The following STS variants were observed in gnomAD, a reference collection of about 807,000 sequenced individuals.
STS encodes steroid sulfatase.
Under a neutral mutation model 26.8 loss-of-function variants are expected in STS, and 7 were observed. The ratio of observed to expected loss-of-function variants is 0.26; its 90% CI spans 0.15 to 0.49. The LOEUF is 0.49. Among genes scored for constraint, STS ranks in the 20% least tolerant of loss-of-function variants. The pLI, the probability that STS is intolerant of heterozygous loss-of-function variation, is 0.98. For missense variants in STS, 434 were observed against 465.6 expected (o/e 0.93, Z 0.63); for synonymous variants, 199 against 189.4 (o/e 1.05, Z -0.42).
At chrX:7,333,875 C>T (rs1014133113) in intron 9 of STS, 111 bp from the exon 10 acceptor site, 47 of 1,107,130 alleles carry the variant, frequency 4.2e-5, no homozygotes, top group Non-Finnish European at 5.7e-5. Context: ...TGGGGTCAGT[C>T]TTCTTTGTAT....
intron 1 of STS, among the ~76,000 whole-genome samples, chrX:7,174,641 G>A (rs148790739): frequency 8.1e-5 from 9 of 111,665 alleles, no homozygotes; most frequent in Admixed American, 2.9e-4. Flanking sequence ...TGATCTTCTC[G>A]TAAGGTGTAA....
chrX:7,186,799 A>G (rs1933780773), intron 1 of STS, among the ~76,000 whole-genome samples: 2 of 112,143 alleles, frequency 1.8e-5, no homozygotes, highest in Non-Finnish European at 3.8e-5. Context: ...AAAATCAGAT[A>G]TCATCTTAGG....
rs759991988 is a variant in STS, at chrX:7,350,221, A to G, written c.1697A>G (p.Gln566Arg). ...TGTCCTTCCACCGGCCTGTCTTGCC[A>G]GTGTGATAGAGAAAAACAGGATAAG... ...LCCPSTGLSC[Q>R]CDREKQDKRL... Residue 566 changes from glutamine (Q) to arginine (R), a missense_variant, in exon 11 of 11, where the codon CAG (glutamine) becomes CGG (arginine). Physicochemically the swap from Gln to Arg is conservative, Grantham distance 43. Around this residue, in one of 2 missense-constraint regions of STS, gnomAD observed 205 missense variants for 177.3 expected, o/e 1.16. Transcript: ENST00000674429. 1 of 1,210,985 alleles carries G rather than the reference A, an allele frequency of 8.3e-7. No homozygotes were observed. Among genetic ancestry groups the G allele is most frequent in the African/African-American group, 1.7e-5 (1 of 57,849 alleles).
In STS at chrX:7,305,179, T is replaced by C; in HGVS notation, c.1077T>C (p.Tyr359=). The C allele has an allele frequency of 8.3e-7, 1 of 1,210,308 alleles. No homozygotes were observed. Among genetic ancestry groups the C allele is most frequent in the Non-Finnish European group, 1.1e-6 (1 of 894,474 alleles). ...GEIHGGSNGI[Y]KGGKANNWEG... is the part of the protein sequence containing the mutation. Reference sequence around the variant, plus strand: ...TTCATGGCGGAAGTAATGGGATCTATAAAGGTGAGAAATGCTGGGATGGAG... The same window carrying C: ...TTCATGGCGGAAGTAATGGGATCTACAAAGGTGAGAAATGCTGGGATGGAG... Residue 359 remains tyrosine (Y), a synonymous_variant, in exon 8 of 11, where the codon TAT becomes TAC. Coordinates refer to ENST00000674429, the MANE Select transcript of STS (RefSeq NM_001320752.2).
chrX:7,209,370 T>A (rs1920976546), intron 2 of STS, among the ~76,000 whole-genome samples: 1 of 107,230 alleles, frequency 9.3e-6, no homozygotes, highest in Admixed American at 1.0e-4. Flanking sequence ...ATTTTATATA[T>A]AATTTTATAT....
chrX:7,246,922 A>G lies in STS; in HGVS notation c.-4-6274A>G, dbSNP rs528194535. 3.5e-5 allele frequency among the ~76,000 whole-genome samples: 4 copies of G among 113,315 alleles called. No homozygotes were observed. The South Asian group carries it at 1.1e-3, about 30-fold the overall frequency. On this transcript the variant is annotated intron_variant, in intron 2 of 10. Transcript: ENST00000674429. ...TAAATCATTTCACTTCAGACTTTGT[A>G]TAGAATTCATGTCAAATAAATGTCA... is the stretch of plus-strand genomic sequence containing the variant.
At chrX:7,246,354 T>G (rs1922875583) in intron 2 of STS, among the ~76,000 whole-genome samples, 3 of 107,066 alleles carry the variant, frequency 2.8e-5, no homozygotes, top group Non-Finnish European at 3.9e-5. Flanking sequence ...CAGGCTGGAG[T>G]GCAGTGGCGC....
intron 2 of STS, among the ~76,000 whole-genome samples, chrX:7,230,591 C>T (rs144650229): frequency 9.8e-5 from 11 of 112,010 alleles, no homozygotes; most frequent in East Asian, 2.8e-4. Context: ...CTCACAGTTC[C>T]GCATGGCTGG....
chrX:7,246,499 G>C (rs1343534298), intron 2 of STS, among the ~76,000 whole-genome samples: 4 of 110,225 alleles, frequency 3.6e-5, no homozygotes, highest in African/African-American at 1.3e-4. Flanking sequence ...GTAGAGATGG[G>C]GTTTCACCGT....
In STS at chrX:7,228,168, T is replaced by C. The variant is rs775279312; in HGVS notation, c.-4-25028T>C. On this transcript the variant is annotated intron_variant, in intron 2 of 10. Transcript: ENST00000674429. ...GCTTCCATATCTTGGCTATGGTGAA[T>C]AGTACTGCAGTGAGCAGAGGAGTGC... is the stretch of plus-strand genomic sequence containing the variant. 2.1e-4 allele frequency among the ~76,000 whole-genome samples: 23 copies of C among 111,939 alleles called. No homozygotes were observed. The Admixed American group carries it at 2.1e-3, about 10-fold the overall frequency.
chrX:7,238,051 C>T (rs1455517963), intron 2 of STS, among the ~76,000 whole-genome samples: 4 of 109,535 alleles, frequency 3.7e-5, no homozygotes, highest in African/African-American at 1.3e-4. Flanking sequence ...GATGAAGTGT[C>T]CTCCAGTTTC....
chrX:7,313,183 G>T (rs1462683990), intron 8 of STS, among the ~76,000 whole-genome samples: 1 of 112,167 alleles, frequency 8.9e-6, no homozygotes, highest in African/African-American at 3.2e-5. Context: ...GAAGTGTGGG[G>T]GTGGGGGATC....
At chrX:7,240,539 A>G (rs1176606448) in intron 2 of STS, among the ~76,000 whole-genome samples, 8 of 80,834 alleles carry the variant, frequency 9.9e-5, no homozygotes, top group Admixed American at 9.7e-4. Context: ...GTGTGTATAT[A>G]TATATATATA....
intron 7 of STS, among the ~76,000 whole-genome samples, chrX:7,302,486 A>G (rs1469595397): frequency 1.8e-5 from 2 of 111,726 alleles, no homozygotes; most frequent in African/African-American, 6.5e-5. Context: ...ATGGGAGACA[A>G]ATTGCTAAAA....
At chrX:7,185,366 T>C (rs776483884) in intron 1 of STS, among the ~76,000 whole-genome samples, 2 of 113,036 alleles carry the variant, frequency 1.8e-5, no homozygotes, top group Admixed American at 1.9e-4. Flanking sequence ...GCAATTGTAT[T>C]TCAAAAGTAG....
rs766616640 is a variant in STS at position 7,232,855 on chromosome X, A to G, written c.-4-20341A>G. On this transcript the variant is annotated intron_variant, in intron 2 of 10. Transcript: ENST00000674429. Reference sequence around the variant, plus strand: ...ACCGGATCATGGGGGTGGTCCCCCCATGCTGTTCTCATCGTAGTGACTGAG... The same window carrying G: ...ACCGGATCATGGGGGTGGTCCCCCCGTGCTGTTCTCATCGTAGTGACTGAG... 7.8e-4 allele frequency among the ~76,000 whole-genome samples: 87 copies of G among 111,493 alleles called. 6 individuals carry two copies. Among genetic ancestry groups the G allele is most frequent in the Admixed American group, 1.9e-4 (2 of 10,578 alleles).
intron 7 of STS, among the ~76,000 whole-genome samples, chrX:7,279,625 A>T (rs1318814560): frequency 9.2e-6 from 1 of 109,112 alleles, no homozygotes; most frequent in Non-Finnish European, 1.9e-5. Flanking sequence ...AGGGGTAGTC[A>T]TATCTTGGTC....
At position 7,349,315 on chromosome X, in the gene STS, C is replaced by CTTTT. The variant is rs1928669611; in HGVS notation, c.1364-573_1364-572insTTTT. 3.9e-4 allele frequency among the ~76,000 whole-genome samples: 8 copies of CTTTT among 20,285 alleles called. 2 individuals carry two copies. Among genetic ancestry groups the CTTTT allele is most frequent in the African/African-American group, 1.1e-3 (6 of 5,711 alleles). 17.6% of individuals were successfully genotyped at this position (20,285 alleles called of 115,157 possible). A position where few individuals can be genotyped will look rare whatever the true frequency, so the allele number is the denominator to read the frequency against. ...CGCTGCACTCGGCCCTCATTTAATTCCTTTTTTTTTTTTTTTTTTTTTTTT... is the reference window on the plus strand; with the variant it reads ...CGCTGCACTCGGCCCTCATTTAATTCTTTTCTTTTTTTTTTTTTTTTTTTTTTTT... On this transcript the variant is annotated intron_variant, in intron 10 of 10. Coordinates refer to ENST00000674429, the MANE Select transcript of STS (RefSeq NM_001320752.2).
In STS at chrX:7,214,596, A is replaced by T. The variant is rs1007035118; in HGVS notation, c.-5+23588A>T. ...TGGGAAACAGGTGGTGTTTGGTTAC[A>T]TGAGTCAGTTCTCTGGTGGTGATTT... On this transcript the variant is annotated intron_variant, in intron 2 of 10. Coordinates refer to ENST00000674429, the MANE Select transcript of STS (RefSeq NM_001320752.2). Among the ~76,000 whole-genome samples, 6 of 110,831 alleles carry T rather than the reference A, an allele frequency of 5.4e-5. No individual in the cohort carries two copies. The Admixed American group carries it at 5.8e-4, about 11-fold the overall frequency.
Sources: gnomAD v4.1 joint callset for allele counts (sites outside exome capture counted in the v4.1 genomes callset) on GRCh38, gnomAD v4.1.1 for gene constraint, gnomAD v4.1.1 regional missense constraint, MANE v1.5 for transcripts, NCBI Gene and HGNC (gene_info 2026-07-23, HGNC 2026-07-21) for gene names.